The following CNGB3 variants were observed in gnomAD, a reference collection of about 807,000 sequenced individuals.
CNGB3 encodes the protein cyclic nucleotide-gated channel beta-3.
In CNGB3, 86 loss-of-function variants were observed where a neutral mutation model predicts 92.8. The ratio of observed to expected loss-of-function variants is 0.93; its 90% CI spans 0.78 to 1.11. The LOEUF is 1.11. Ranked by LOEUF, CNGB3 falls within the 50% of genes least tolerant of loss-of-function variation. CNGB3 has a pLI of 0.00. For synonymous variants in CNGB3, 333 were observed against 332.7 expected (o/e 1.00, Z -0.01); for missense variants, 1,026 against 956.8 (o/e 1.07, Z -0.95).
At chr8:86,706,163 T>G (rs1824648352) in intron 3 of CNGB3, among the ~76,000 whole-genome samples, 1 of 152,242 alleles carries the variant, frequency 6.6e-6, no homozygotes, top group African/African-American at 2.4e-5. Flanking sequence ...GGGACTGAAG[T>G]ACTTTTCCAG....
chr8:86,672,138 G>A lies in CNGB3; in HGVS notation c.339-1040C>T, dbSNP rs989512010. On this transcript the variant is annotated intron_variant, in intron 3 of 17. Coordinates refer to ENST00000320005, the MANE Select transcript of CNGB3 (RefSeq NM_019098.5). ...TGTTTGGACTGAGTCTCACGTTGTC[G>A]CCCAGGCTGGAGTGCAGTGGTGTGA... 4.6e-5 allele frequency among the ~76,000 whole-genome samples: 7 copies of A among 152,088 alleles called. No individual in the cohort carries two copies. In the East Asian group the frequency reaches 5.8e-4, roughly 13 times the overall value.
rs545846572 is a variant in CNGB3 at position 86,678,191 on chromosome 8, T to A, written c.339-7093A>T. ...AATTCATACAGCTGCCCTCAAAAGTTACATCTGAAAAAAAATCTCACTTTA... is the reference window on the plus strand; with the variant it reads ...AATTCATACAGCTGCCCTCAAAAGTAACATCTGAAAAAAAATCTCACTTTA... On this transcript the variant is annotated intron_variant, in intron 3 of 17. Coordinates refer to ENST00000320005, the MANE Select transcript of CNGB3 (RefSeq NM_019098.5). Among the ~76,000 whole-genome samples, 3 of 152,324 alleles carry A rather than the reference T, an allele frequency of 2.0e-5. No individual in the cohort carries two copies. The South Asian group carries it at 6.2e-4, about 32-fold the overall frequency.
At chr8:86,602,860 A>G (rs893458777) in intron 15 of CNGB3, among the ~76,000 whole-genome samples, 1 of 152,206 alleles carries the variant, frequency 6.6e-6, no homozygotes, top group African/African-American at 2.4e-5. Flanking sequence ...GCATTCATTC[A>G]TATTTAGAAA....
chr8:86,725,262 C>A (rs779486508), intron 3 of CNGB3, among the ~76,000 whole-genome samples: 1 of 152,074 alleles, frequency 6.6e-6, no homozygotes, highest in African/African-American at 2.4e-5. Context: ...GAATTCAAAT[C>A]TTTTGTAGTC....
At chr8:86,590,071 T>C (rs1821993295) in intron 15 of CNGB3, among the ~76,000 whole-genome samples, 2 of 151,710 alleles carry the variant, frequency 1.3e-5, no homozygotes, top group African/African-American at 4.8e-5. Flanking sequence ...TCTTGTTGAA[T>C]TGATCCCTTT....
intron 10 of CNGB3, among the ~76,000 whole-genome samples, chr8:86,642,349 A>G (rs1476639873): frequency 1.3e-5 from 2 of 151,850 alleles, no homozygotes; most frequent in Non-Finnish European, 2.9e-5. Context: ...TTTATATCAA[A>G]GTAAATAATT....
At chr8:86,720,957 GTAA>G (rs898689300) in intron 3 of CNGB3, among the ~76,000 whole-genome samples, 6 of 151,068 alleles carry the variant, frequency 4.0e-5, no homozygotes, top group Non-Finnish European at 5.9e-5. Context: ...ATTGGAGAGT[GTAA>G]TAATAATAAT....
At chr8:86,600,673 G>A (rs1395282352) in intron 15 of CNGB3, among the ~76,000 whole-genome samples, 2 of 148,942 alleles carry the variant, frequency 1.3e-5, no homozygotes, top group Non-Finnish European at 3.0e-5. Flanking sequence ...GCAGTGGCGC[G>A]ATCTCGGCTC....
chr8:86,695,234 C>T (rs1037303376), intron 3 of CNGB3, among the ~76,000 whole-genome samples: 28 of 152,048 alleles, frequency 1.8e-4, no homozygotes, highest in Admixed American at 1.4e-3. Flanking sequence ...TGCAGTGAGC[C>T]GAGATGGCAG....
At chr8:86,687,410 T>C (rs903483485) in intron 3 of CNGB3, among the ~76,000 whole-genome samples, 1 of 151,998 alleles carries the variant, frequency 6.6e-6, no homozygotes, top group Non-Finnish European at 1.5e-5. Flanking sequence ...GAAAACATTA[T>C]GCTAAGTGAA....
At position 86,667,935 on chromosome 8, in the gene CNGB3, TA is replaced by T. The variant is rs1355173674; in HGVS notation, c.643+83del. 1.5e-5 allele frequency: 21 copies of T among 1,426,758 alleles called. No homozygotes were observed. The East Asian group carries it at 2.5e-4, about 17-fold the overall frequency. 88.4% of individuals were successfully genotyped at this position (1,426,758 alleles called of 1,614,324 possible). On this transcript the variant is annotated intron_variant, in intron 5 of 17. Coordinates refer to ENST00000320005, the MANE Select transcript of CNGB3 (RefSeq NM_019098.5). ...GATTGAGAATATGAAGTAAGGAAAATAGAAGCTATCTGTGACTTTGAGTCAC... is the reference window on the plus strand; with the variant it reads ...GATTGAGAATATGAAGTAAGGAAAATGAAGCTATCTGTGACTTTGAGTCAC...
intron 14 of CNGB3, among the ~76,000 whole-genome samples, chr8:86,605,545 C>A (rs1822396270): frequency 1.3e-5 from 2 of 152,100 alleles, no homozygotes; most frequent in Admixed American, 1.3e-4. Flanking sequence ...TTCTCATTAA[C>A]CATACTTTGA....
rs184434863 is a variant in CNGB3, at chr8:86,732,375, C to T, written c.212-5718G>A. On this transcript the variant is annotated intron_variant, in intron 2 of 17. Coordinates refer to ENST00000320005, the MANE Select transcript of CNGB3 (RefSeq NM_019098.5). ...GAAGGGCTCTGCTCAATGGGGAAAA[C>T]GGTTGTTATCTAAGTCAGTCAGACT... Among the ~76,000 whole-genome samples the T allele has an allele frequency of 1.6e-3, 246 of 152,198 alleles. 1 individual carries two copies. Among genetic ancestry groups the T allele is most frequent in the Middle Eastern group, 6.8e-3 (2 of 294 alleles).
intron 3 of CNGB3, among the ~76,000 whole-genome samples, chr8:86,723,028 A>T (rs1256602986): frequency 1.3e-5 from 2 of 151,740 alleles, no homozygotes; most frequent in African/African-American, 4.8e-5. Context: ...TCTGTGGAGA[A>T]CCCTAACTGA....
In CNGB3 at chr8:86,579,181, G is replaced by A; in HGVS notation, c.1853C>T (p.Thr618Ile). The change falls in exon 16 of 18, where the codon ACT (threonine) becomes ATT (isoleucine). Residue 618 changes from threonine (T) to isoleucine (I), a missense_variant. Transcript: ENST00000320005. ...VVAHGFANLL[T>I]LDKKTLQEIL... ...TTCTTGGAGGGTCTTTTTGTCTAGAGTTAAAAGATTGGCAAACCCGTGGGC... is the reference window on the plus strand; with the variant it reads ...TTCTTGGAGGGTCTTTTTGTCTAGAATTAAAAGATTGGCAAACCCGTGGGC... 2 of 1,614,140 alleles carry A rather than the reference G, an allele frequency of 1.2e-6. No homozygotes were observed. Among genetic ancestry groups the A allele is most frequent in the Non-Finnish European group, 1.7e-6 (2 of 1,180,000 alleles).
At chr8:86,638,119 C>T (rs1335859709) in intron 10 of CNGB3, among the ~76,000 whole-genome samples, 2 of 151,966 alleles carry the variant, frequency 1.3e-5, no homozygotes, top group African/African-American at 4.8e-5. Flanking sequence ...ATTTATTCAC[C>T]TATGGATGAA....
chr8:86,718,630 A>G (rs1824909220), intron 3 of CNGB3, among the ~76,000 whole-genome samples: 1 of 152,190 alleles, frequency 6.6e-6, no homozygotes, highest in East Asian at 1.9e-4. Context: ...ACTATTCTAC[A>G]GGACAGAGAT....
chr8:86,656,706 C>T (rs1823511325), intron 6 of CNGB3, among the ~76,000 whole-genome samples: 1 of 152,020 alleles, frequency 6.6e-6, no homozygotes. Flanking sequence ...TAGTATTTAC[C>T]TCTTCTTTCT....
Position 86,647,832 on chromosome 8 carries a change from T to C in CNGB3, c.959A>G (p.Asn320Ser). The C allele has an allele frequency of 1.3e-6, 2 of 1,591,334 alleles. No individual in the cohort carries two copies. The highest frequency in any genetic ancestry group is 1.7e-6 in the Non-Finnish European group (2 of 1,160,196). The change falls in exon 8 of 18, where the codon AAT becomes AGT. Residue 320 changes from asparagine to serine, a missense_variant. Physicochemically the swap from Asn to Ser is conservative, Grantham distance 46. Transcript: ENST00000320005. ...CATCCTATTTGCTCTAAACATTGGA[T>C]TAAACCCAAAGAAGAGGTAGCAAAT... ...FDICYLFFGF[N>S]PMFRANRMLK...
Sources: gnomAD v4.1 joint callset for allele counts (sites outside exome capture counted in the v4.1 genomes callset) on GRCh38, gnomAD v4.1.1 for gene constraint, MANE v1.5 for transcripts, NCBI Gene and HGNC (gene_info 2026-07-23, HGNC 2026-07-21) for gene names.